Variants in GSAP observed in about 807,000 individuals in gnomAD.
GSAP encodes gamma-secretase activating protein.
GSAP carries 118 observed loss-of-function variants against 131.7 expected under a neutral mutation model. That is an observed-to-expected ratio of 0.90 (90% CI 0.77 to 1.04). The LOEUF (loss-of-function observed/expected upper bound fraction) is 1.04. Among genes scored for constraint, GSAP ranks in the 50% least tolerant of loss-of-function variants. GSAP has a pLI of 0.00. For missense variants in GSAP, 1,019 were observed against 1,013.2 expected (o/e 1.01, Z -0.08); for synonymous variants, 381 against 363.4 (o/e 1.05, Z -0.55).
intron 5 of GSAP, among the ~76,000 whole-genome samples, 188 bp downstream of exon 5, chr7:77,396,794 C>G (rs1800468162): frequency 6.6e-6 from 1 of 150,802 alleles, no homozygotes; most frequent in African/African-American, 2.5e-5. Flanking sequence ...ATTGTCTGTC[C>G]TTTTCTGTTT....
At chr7:77,414,633 G>A (rs1435619840) in intron 1 of GSAP, among the ~76,000 whole-genome samples, 2 of 152,130 alleles carry the variant, frequency 1.3e-5, no homozygotes, top group Admixed American at 1.3e-4. Context: ...AGGTCCCAGT[G>A]GGTCACACAC....
chr7:77,314,201 G>T (rs188031286), intron 27 of GSAP, among the ~76,000 whole-genome samples, 169 bp downstream of exon 27: 2 of 152,130 alleles, frequency 1.3e-5, no homozygotes, highest in Non-Finnish European at 2.9e-5. Context: ...GCAAGCCCTC[G>T]TTCAAATACT....
At chr7:77,388,023 C>A (rs527980847) in intron 5 of GSAP, among the ~76,000 whole-genome samples, 1 of 152,296 alleles carries the variant, frequency 6.6e-6, no homozygotes, top group South Asian at 2.1e-4. Context: ...CATGTCTGAA[C>A]TTTCTGAAAA....
chr7:77,323,476 G>T (rs1161660162), intron 24 of GSAP, among the ~76,000 whole-genome samples, 171 bp downstream of exon 24: 1 of 152,158 alleles, frequency 6.6e-6, no homozygotes, highest in Non-Finnish European at 1.5e-5. Flanking sequence ...TTTGTTTATG[G>T]TCCTTATTTC....
At chr7:77,353,770 A>G in intron 16 of GSAP, 129 bp from the exon 17 acceptor site, 1 of 586,108 alleles carries the variant, frequency 1.7e-6, no homozygotes, top group Non-Finnish European at 3.0e-6. Context: ...GAATATACTC[A>G]CTTCTATACT....
At chr7:77,329,429 G>A (rs1470234672) in intron 20 of GSAP, 38 bp from the exon 21 acceptor site, 4 of 1,198,180 alleles carry the variant, frequency 3.3e-6, no homozygotes, top group Admixed American at 4.3e-5. Flanking sequence ...GGAAGGTAAA[G>A]GTTTTATCGG....
chr7:77,361,109 G>C (rs1042820261), intron 13 of GSAP, among the ~76,000 whole-genome samples: 2 of 152,164 alleles, frequency 1.3e-5, no homozygotes, highest in African/African-American at 2.4e-5. Flanking sequence ...TCCAGTAGTT[G>C]CTCTGGGCTT....
At chr7:77,381,944 G>A (rs1797869284) in intron 7 of GSAP, among the ~76,000 whole-genome samples, 1 of 150,718 alleles carries the variant, frequency 6.6e-6, no homozygotes, top group Admixed American at 6.7e-5. Flanking sequence ...AGAGCTTAGA[G>A]ACTGAACAAA....
chr7:77,376,795 A>AAGG, intron 10 of GSAP, 53 bp downstream of exon 10: 1 of 656,442 alleles, frequency 1.5e-6, no homozygotes, highest in Non-Finnish European at 2.4e-6. Flanking sequence ...AAAAAAAAAA[A>AAGG]GAGAGTAATG....
At chr7:77,349,924 A>T (rs1792533133) in intron 18 of GSAP, among the ~76,000 whole-genome samples, 1 of 152,130 alleles carries the variant, frequency 6.6e-6, no homozygotes, top group Non-Finnish European at 1.5e-5. Flanking sequence ...GGAGCCCCCC[A>T]TACCCAAAGG....
intron 14 of GSAP, among the ~76,000 whole-genome samples, chr7:77,357,741 G>A (rs1470788347): frequency 7.0e-6 from 1 of 143,186 alleles, no homozygotes; most frequent in Non-Finnish European, 1.5e-5. Flanking sequence ...AGAGGCTGGA[G>A]GGAGGACGCA....
chr7:77,395,011 T>C (rs1335095478), intron 5 of GSAP, among the ~76,000 whole-genome samples: 1 of 152,240 alleles, frequency 6.6e-6, no homozygotes, highest in Non-Finnish European at 1.5e-5. Context: ...CATCTCACTA[T>C]AAGTGCATCA....
chr7:77,375,191 ATAT>A (rs746965501), intron 10 of GSAP, 90 bp from the exon 11 acceptor site: 82 of 701,680 alleles, frequency 1.2e-4, no homozygotes, highest in Admixed American at 1.9e-4. Flanking sequence ...AACCAGAAAA[ATAT>A]TATGTTTGCC....
intron 20 of GSAP, 85 bp downstream of exon 20, chr7:77,330,154 A>T (rs552891007): frequency 1.4e-6 from 2 of 1,470,850 alleles, no homozygotes; most frequent in East Asian, 4.9e-5. Flanking sequence ...TGCACATGGA[A>T]GCCAGCCTTA....
chr7:77,395,162 G>C (rs78187552), intron 5 of GSAP, among the ~76,000 whole-genome samples: 10,658 of 148,502 alleles, frequency 0.072, 502 homozygotes, highest in Non-Finnish European at 0.099. Flanking sequence ...GGCATAGATG[G>C]TGAACAATAG....
intron 1 of GSAP, among the ~76,000 whole-genome samples, chr7:77,414,348 C>T (rs1235402632): frequency 6.6e-6 from 1 of 152,186 alleles, no homozygotes; most frequent in African/African-American, 2.4e-5. Flanking sequence ...ATTTCCCTGC[C>T]ACTGCTATAA....
At chr7:77,354,851 A>C (rs1009320821) in intron 16 of GSAP, among the ~76,000 whole-genome samples, 1 of 152,366 alleles carries the variant, frequency 6.6e-6, no homozygotes, top group East Asian at 1.9e-4. Context: ...AAATGTAATA[A>C]ATATCTGCCA....
intron 1 of GSAP, 67 bp from the exon 2 acceptor site, chr7:77,406,172 AGTG>A: frequency 7.6e-6 from 7 of 915,890 alleles, no homozygotes; most frequent in Non-Finnish European, 9.7e-6. Flanking sequence ...CCAATATATT[AGTG>A]AAGGAAGCCA....
At chr7:77,391,141 A>G (rs1164780546) in intron 5 of GSAP, among the ~76,000 whole-genome samples, 1 of 149,112 alleles carries the variant, frequency 6.7e-6, no homozygotes. Flanking sequence ...AAAAAAAAAA[A>G]AAAAAAGAAA....
Sources: gnomAD v4.1 joint callset for allele counts (sites outside exome capture counted in the v4.1 genomes callset) on GRCh38, gnomAD v4.1.1 for gene constraint, MANE v1.5 for transcripts, NCBI Gene and HGNC (gene_info 2026-07-23, HGNC 2026-07-21) for gene names.